Variants in UPF2 observed in about 807,000 individuals in gnomAD.
UPF2 encodes the protein regulator of nonsense transcripts 2.
UPF2 carries 17 observed loss-of-function variants against 141.4 expected under a neutral mutation model. The ratio of observed to expected loss-of-function variants is 0.12; its 90% CI spans 0.08 to 0.18. The LOEUF is 0.18. Ranked by LOEUF, UPF2 falls within the 10% of genes least tolerant of loss-of-function variation. The probability of loss-of-function intolerance (pLI) is 1.00; values close to 1 mark genes in which losing one functional copy is unlikely to be tolerated. For synonymous variants in UPF2, 540 were observed against 498.0 expected, an observed-to-expected ratio of 1.08 and a Z score of -1.12; for missense variants, 1,152 against 1,515.9, an observed-to-expected ratio of 0.76 and a Z score of 3.99.
rs150311280 is a variant in UPF2 at position 12,029,169 on chromosome 10, G to T, written c.721C>A (p.Leu241Ile). Residue 241 changes from leucine to isoleucine, a missense_variant, in exon 3 of 22, where the codon CTT becomes ATT. By Grantham distance (5) the Leu-to-Ile change is conservative (BLOSUM62 2). Coordinates refer to ENST00000357604, the MANE Select transcript of UPF2 (RefSeq NM_015542.4). The part of the protein sequence containing the change: ...QRYADFAPSL[L>I]QVWKKHFEAR... ...TCAAAATGTTTTTTCCAGACCTGAAGAAGTGATGGGGCAAAGTCAGCATAA... is the reference window on the plus strand; with the variant it reads ...TCAAAATGTTTTTTCCAGACCTGAATAAGTGATGGGGCAAAGTCAGCATAA... 15 of 1,614,210 alleles carry T rather than the reference G, an allele frequency of 9.3e-6. No individual in the cohort carries two copies. Among genetic ancestry groups the T allele is most frequent in the Non-Finnish European group, 1.3e-5 (15 of 1,180,040 alleles).
In UPF2 at chr10:12,008,018, G is replaced by A. The variant is rs771418886; in HGVS notation, c.1307-3291C>T. 3.3e-4 allele frequency among the ~76,000 whole-genome samples: 50 copies of A among 151,808 alleles called. 2 individuals carry two copies. The Middle Eastern group carries it at 0.01, about 31-fold the overall frequency. ...TCACTTCAGTCTCCCAAGTAGCTGG[G>A]ATTACAGGCGCACTCCACAATACCC... On this transcript the variant is annotated intron_variant, in intron 4 of 21. Coordinates refer to ENST00000357604, the MANE Select transcript of UPF2 (RefSeq NM_015542.4).
chr10:11,923,429 T>TG (rs1182892405), intron 21 of UPF2: 3 of 152,066 alleles, frequency 2.0e-5, no homozygotes, highest in Non-Finnish European at 4.4e-5. Flanking sequence ...ATGCCTGTAA[T>TG]CCCAGCACTT....
intron 8 of UPF2, among the ~76,000 whole-genome samples, chr10:11,981,009 GA>G (rs1833582606): frequency 6.6e-6 from 1 of 152,022 alleles, no homozygotes; most frequent in African/African-American, 2.4e-5. Flanking sequence ...CCAACATGGT[GA>G]AACCCCCATC....
intron 4 of UPF2, among the ~76,000 whole-genome samples, chr10:12,011,428 T>C (rs1449099640): frequency 1.3e-5 from 2 of 151,528 alleles, no homozygotes; most frequent in African/African-American, 4.9e-5. Flanking sequence ...TGAAACCCCA[T>C]CTCTACTAAA....
At chr10:12,013,886 C>T in intron 4 of UPF2, 138 bp downstream of exon 4, 1 of 838,952 alleles carries the variant, frequency 1.2e-6, no homozygotes, top group Non-Finnish European at 1.6e-6. Context: ...AGGCATGAGC[C>T]ACCATGCTTG....
chr10:11,995,668 A>G (rs1833853717), intron 8 of UPF2, among the ~76,000 whole-genome samples: 2 of 152,130 alleles, frequency 1.3e-5, no homozygotes, highest in South Asian at 4.1e-4. Context: ...CCATAGTCCC[A>G]GCTACTCGGG....
At chr10:12,022,859 C>CA (rs1554784536) in intron 3 of UPF2, among the ~76,000 whole-genome samples, 1 of 151,204 alleles carries the variant, frequency 6.6e-6, no homozygotes, top group Non-Finnish European at 1.5e-5. Flanking sequence ...AAACCTCTGA[C>CA]TTTTTTTTTA....
intron 15 of UPF2, 55 bp from the exon 16 acceptor site, chr10:11,948,563 T>C: frequency 6.4e-7 from 1 of 1,571,824 alleles, no homozygotes; most frequent in Non-Finnish European, 8.7e-7. Context: ...CACAGGCTAG[T>C]TTTCTACACT....
At chr10:12,009,432 G>A (rs1834091444) in intron 4 of UPF2, among the ~76,000 whole-genome samples, 1 of 152,174 alleles carries the variant, frequency 6.6e-6, no homozygotes, top group African/African-American at 2.4e-5. Flanking sequence ...GGAAAAAGTG[G>A]CTATAGAATA....
Position 11,921,445 on chromosome 10 carries a change from C to A in UPF2, c.3810-138G>T. 1 of 893,324 alleles carries A rather than the reference C, an allele frequency of 1.1e-6. No homozygotes were observed. The allele number at this position is 893,324 out of a possible 1,614,324, so 55.3% of individuals were successfully genotyped here. On this transcript the variant is annotated intron_variant, in intron 21 of 21. Coordinates refer to ENST00000357604, the MANE Select transcript of UPF2 (RefSeq NM_015542.4). The surrounding 1 kb of genome is among the most constrained non-coding windows in gnomAD (Gnocchi z 5.9). ...GTGGCCCTGGCATCTGCGGGTTCCA[C>A]ATCCATGGACCAAAAATATTCGGGG...
intron 1 of UPF2, among the ~76,000 whole-genome samples, chr10:12,038,139 T>G (rs1378709392): frequency 6.6e-6 from 1 of 152,120 alleles, no homozygotes; most frequent in Non-Finnish European, 1.5e-5. Context: ...TCCCAGCAAT[T>G]TGGGAGGCCA....
intron 16 of UPF2, among the ~76,000 whole-genome samples, chr10:11,945,226 T>G (rs1832986431): frequency 6.6e-6 from 1 of 152,198 alleles, no homozygotes; most frequent in South Asian, 2.1e-4. Flanking sequence ...GGTTGTTAGG[T>G]GCTCAAAGTC....
chr10:11,996,684 T>C (rs1302388846), intron 8 of UPF2, among the ~76,000 whole-genome samples: 1 of 152,224 alleles, frequency 6.6e-6, no homozygotes, highest in Non-Finnish European at 1.5e-5. Context: ...TTCATCCATA[T>C]GACTTCTTCA....
intron 1 of UPF2, among the ~76,000 whole-genome samples, chr10:12,039,107 C>T (rs368880144): frequency 6.6e-6 from 1 of 152,122 alleles, no homozygotes; most frequent in Non-Finnish European, 1.5e-5. Flanking sequence ...ACTCATGGTA[C>T]CATACTAAAC....
chr10:11,922,793 GA>G (rs1256150842), intron 21 of UPF2, among the ~76,000 whole-genome samples: 1 of 151,946 alleles, frequency 6.6e-6, no homozygotes, highest in Non-Finnish European at 1.5e-5. Context: ...AAAATCTGAT[GA>G]AAAAATGCAG....
At position 11,921,154 on chromosome 10, in the gene UPF2, G is replaced by A. The variant is rs933325309; in HGVS notation, c.*144C>T. ...GCAGAGGCTGGTGTTTCTGCCTCCT[G>A]GCCCCAGCCTGTCCCAGGTTTAGAT... On this transcript the variant is annotated 3_prime_UTR_variant, in exon 22 of 22. Coordinates refer to ENST00000357604, the MANE Select transcript of UPF2 (RefSeq NM_015542.4). The surrounding 1 kb of genome is among the most constrained non-coding windows in gnomAD (Gnocchi z 5.9). 43 of 1,154,392 alleles carry A rather than the reference G, an allele frequency of 3.7e-5. No homozygotes were observed. In the African/African-American group the frequency reaches 4.3e-4, roughly 11 times the overall value. The allele number at this position is 1,154,392 out of a possible 1,614,324, so 71.5% of individuals were successfully genotyped here. A position where few individuals can be genotyped will look rare whatever the true frequency, so the allele number is the denominator to read the frequency against.
chr10:12,000,914 A>T (rs1319767812), intron 6 of UPF2, among the ~76,000 whole-genome samples: 1 of 152,254 alleles, frequency 6.6e-6, no homozygotes, highest in Non-Finnish European at 1.5e-5. Flanking sequence ...CAACTCAATT[A>T]TAAAGACAGA....
rs767443069 is a variant in UPF2, at chr10:12,019,029, G to A, written c.1146-4845C>T. ...GTGAATTCCATGGGAATGTATCACT[G>A]AAAATATAACCAAAATCAAGCTGAA... On this transcript the variant is annotated intron_variant, in intron 3 of 21. Transcript: ENST00000357604. This position sits in a 1 kb window ranked among gnomAD's most constrained non-coding sequence, Gnocchi z 4.5. Among the ~76,000 whole-genome samples the A allele has an allele frequency of 6.6e-6, 1 of 152,118 alleles. No homozygotes were observed. Among genetic ancestry groups the A allele is most frequent in the Non-Finnish European group, 1.5e-5 (1 of 68,020 alleles).
At chr10:12,006,171 C>T (rs1279136) in intron 4 of UPF2, among the ~76,000 whole-genome samples, 10,872 of 152,232 alleles carry the variant, frequency 0.071, 1,261 homozygotes, top group African/African-American at 0.24. Context: ...TGCGTGACCA[C>T]GCTCAGCCTT....
Sources: allele counts gnomAD v4.1 joint callset (sites outside exome capture counted in the v4.1 genomes callset), GRCh38; gene constraint gnomAD v4.1.1; non-coding constraint Gnocchi (gnomAD v3.1); transcripts MANE v1.5; gene names NCBI Gene and HGNC (gene_info 2026-07-23, HGNC 2026-07-21).